The following TMEM108 variants were observed in gnomAD, a reference collection of about 807,000 sequenced individuals.
TMEM108 encodes transmembrane protein 108.
TMEM108 carries 12 observed loss-of-function variants against 35.1 expected under a neutral mutation model. The ratio of observed to expected loss-of-function variants is 0.34; its 90% confidence interval spans 0.22 to 0.55. TMEM108 has a LOEUF of 0.55. Among genes scored for constraint, TMEM108 ranks in the 20% least tolerant of loss-of-function variants. TMEM108 has a pLI of 0.89. For missense variants in TMEM108, 680 were observed against 753.3 expected, an observed-to-expected ratio of 0.90 and a Z score of 1.14; for synonymous variants, 287 against 308.6, an observed-to-expected ratio of 0.93 and a Z score of 0.73.
chr3:133,249,605 G>A (rs1229659766), intron 3 of TMEM108, among the ~76,000 whole-genome samples: 1 of 152,154 alleles, frequency 6.6e-6, no homozygotes, highest in Admixed American at 6.5e-5. Flanking sequence ...ATAATAGCCT[G>A]TAGCTCCATC....
intron 2 of TMEM108, among the ~76,000 whole-genome samples, chr3:133,194,688 C>A (rs985950678): frequency 6.6e-6 from 1 of 151,958 alleles, no homozygotes; most frequent in African/African-American, 2.4e-5. Context: ...TGGGTTGGGA[C>A]CAATTTCCTT....
intron 2 of TMEM108, among the ~76,000 whole-genome samples, chr3:133,070,771 G>GTGTGTGTGTGTA (rs61166581): frequency 6.7e-6 from 1 of 149,516 alleles, no homozygotes; most frequent in Non-Finnish European, 1.5e-5. Context: ...GTGTGTGTGT[G>GTGTGTGTGTGTA]TATCTGTGTG....
chr3:133,309,004 G>A lies in TMEM108; in HGVS notation c.41-70748G>A, dbSNP rs143181620. Among the ~76,000 whole-genome samples the A allele has an allele frequency of 5.0e-3, 768 of 152,254 alleles. 7 individuals carry two copies. The highest frequency in any genetic ancestry group is 8.3e-3 in the Non-Finnish European group (566 of 68,024). On this transcript the variant is annotated intron_variant, in intron 3 of 5. Coordinates refer to ENST00000321871, the MANE Select transcript of TMEM108 (RefSeq NM_023943.4). ...TCCATCTGGTCCTGGACTGTTTTTG[G>A]TTGGTGGGCTATTAATTATTGCCTC...
intron 2 of TMEM108, among the ~76,000 whole-genome samples, chr3:133,047,653 T>G (rs1277024329): frequency 6.6e-6 from 1 of 152,218 alleles, no homozygotes; most frequent in Non-Finnish European, 1.5e-5. Context: ...CTCCAGACAT[T>G]GCCAAATGTC....
At chr3:133,232,176 T>C (rs1432514554) in intron 3 of TMEM108, among the ~76,000 whole-genome samples, 1 of 152,148 alleles carries the variant, frequency 6.6e-6, no homozygotes, top group Non-Finnish European at 1.5e-5. Flanking sequence ...AAGTCTAATG[T>C]TGAAATTTTA....
At chr3:133,107,628 C>G (rs1275249840) in intron 2 of TMEM108, among the ~76,000 whole-genome samples, 1 of 152,094 alleles carries the variant, frequency 6.6e-6, no homozygotes, top group Admixed American at 6.6e-5. Context: ...TAATTGCCAG[C>G]AAGATCTTGA....
chr3:133,288,642 AT>A (rs1947019020), intron 3 of TMEM108, among the ~76,000 whole-genome samples: 1 of 152,208 alleles, frequency 6.6e-6, no homozygotes, highest in Non-Finnish European at 1.5e-5. Context: ...CAGAGGAGGC[AT>A]TGAGTGTTTA....
At position 133,379,882 on chromosome 3, in the gene TMEM108, T is replaced by C; in HGVS notation, c.171T>C (p.Ser57=). The C allele has an allele frequency of 6.2e-7, 1 of 1,613,968 alleles. No individual in the cohort carries two copies. The highest frequency in any genetic ancestry group is 1.1e-5 in the South Asian group (1 of 91,066). Residue 57 remains serine (S), a synonymous_variant, in exon 4 of 6, where the codon TCT becomes TCC. Transcript: ENST00000321871. ...CCATGGTGACAGCACCCCACAGCTC[T>C]ACCAGACATACTTCTGTGGTGATGC... ...PGTMVTAPHS[S]TRHTSVVMLT... is the part of the protein sequence containing the mutation.
intron 3 of TMEM108, among the ~76,000 whole-genome samples, chr3:133,311,483 T>C (rs2071127892): frequency 6.6e-6 from 1 of 152,230 alleles, no homozygotes; most frequent in South Asian, 2.1e-4. Context: ...ACTGATACCC[T>C]TTCTTCCACT....
At position 133,345,439 on chromosome 3, in the gene TMEM108, C is replaced by T. The variant is rs182911234; in HGVS notation, c.41-34313C>T. Among the ~76,000 whole-genome samples the T allele has an allele frequency of 2.4e-3, 358 of 151,750 alleles. 2 individuals are homozygous for T. The highest frequency in any genetic ancestry group is 8.1e-3 in the African/African-American group (335 of 41,462). On this transcript the variant is annotated intron_variant, in intron 3 of 5. Coordinates refer to ENST00000321871, the MANE Select transcript of TMEM108 (RefSeq NM_023943.4). Reference sequence around the variant, plus strand: ...TATGTTCTTATCCTAACACCAATAGCTCTTATTATGTGTAGTCATTATCAT... The same window carrying T: ...TATGTTCTTATCCTAACACCAATAGTTCTTATTATGTGTAGTCATTATCAT...
At chr3:133,338,943 A>G (rs1032417431) in intron 3 of TMEM108, among the ~76,000 whole-genome samples, 2 of 152,018 alleles carry the variant, frequency 1.3e-5, no homozygotes, top group Non-Finnish European at 2.9e-5. Flanking sequence ...CCTCAAATCA[A>G]AAAGCTAATG....
intron 2 of TMEM108, among the ~76,000 whole-genome samples, chr3:133,174,014 G>A (rs1424446128): frequency 4.6e-5 from 7 of 152,332 alleles, no homozygotes; most frequent in Non-Finnish European, 7.3e-5. Context: ...TTAGCAAACG[G>A]CACACCAGGA....
intron 3 of TMEM108, among the ~76,000 whole-genome samples, chr3:133,377,009 A>C (rs997315599): frequency 6.6e-6 from 1 of 152,134 alleles, no homozygotes; most frequent in African/African-American, 2.4e-5. Context: ...GGCGTCCTCT[A>C]GCTGCCGTGT....
chr3:133,180,964 T>C (rs1344693368), intron 2 of TMEM108, among the ~76,000 whole-genome samples: 1 of 136,862 alleles, frequency 7.3e-6, no homozygotes, highest in Non-Finnish European at 1.5e-5. Flanking sequence ...TCATTAATGC[T>C]TCCCCTAATC....
At chr3:133,180,364 C>T (rs1240619183) in intron 2 of TMEM108, among the ~76,000 whole-genome samples, 1 of 152,040 alleles carries the variant, frequency 6.6e-6, no homozygotes. Context: ...ATAGGCCTGA[C>T]AGTTAAGTCC....
At chr3:133,176,574 A>G (rs1177155889) in intron 2 of TMEM108, among the ~76,000 whole-genome samples, 1 of 152,228 alleles carries the variant, frequency 6.6e-6, no homozygotes, top group East Asian at 1.9e-4. Flanking sequence ...ACTACTGGGT[A>G]CATAACGAAA....
In TMEM108 at chr3:133,387,001, A is replaced by G; in HGVS notation, c.1451-3179A>G. Reference sequence around the variant, plus strand: ...TGGGTCAGTGCTGGGAATATAGTAGAGACCCTGTAAGTCTGACTTGTACTT... The same window carrying G: ...TGGGTCAGTGCTGGGAATATAGTAGGGACCCTGTAAGTCTGACTTGTACTT... On this transcript the variant is annotated intron_variant, in intron 4 of 5. Coordinates refer to ENST00000321871, the MANE Select transcript of TMEM108 (RefSeq NM_023943.4). 3.0e-6 allele frequency: 3 copies of G among 986,022 alleles called. No homozygotes were observed. In the African/African-American group the frequency reaches 5.2e-5, roughly 17 times the overall value. 61.1% of individuals were successfully genotyped at this position (986,022 alleles called of 1,614,324 possible). A position where few individuals can be genotyped will look rare whatever the true frequency, so the allele number is the denominator to read the frequency against.
chr3:133,209,226 A>G (rs553877723), intron 2 of TMEM108, among the ~76,000 whole-genome samples: 78 of 136,266 alleles, frequency 5.7e-4, no homozygotes, highest in Non-Finnish European at 1.1e-3. Context: ...TTTTTTTTTA[A>G]GGAATGGGGT....
intron 2 of TMEM108, among the ~76,000 whole-genome samples, chr3:133,104,240 A>C (rs1576320446): frequency 6.6e-6 from 1 of 152,348 alleles, no homozygotes; most frequent in Non-Finnish European, 1.5e-5. Flanking sequence ...ATAGCAAATT[A>C]TAGGATACAT....
Sources: allele counts gnomAD v4.1 joint callset (sites outside exome capture counted in the v4.1 genomes callset), GRCh38; gene constraint gnomAD v4.1.1; transcripts MANE v1.5; gene names NCBI Gene and HGNC (gene_info 2026-07-23, HGNC 2026-07-21).